Variants in AHSA1 observed in about 807,000 individuals in gnomAD.
The protein encoded by AHSA1 is activator of HSP90 ATPase activity 1.
Under a neutral mutation model 46.1 loss-of-function variants are expected in AHSA1, and 14 were observed. That is an observed-to-expected ratio of 0.30 (90% CI 0.20 to 0.47). The LOEUF is 0.47. AHSA1 is among the 20% of genes least tolerant of loss of function. The pLI is 0.99. For missense variants in AHSA1, 333 were observed against 415.9 expected (o/e 0.80, Z 1.73); for synonymous variants, 147 against 145.8 (o/e 1.01, Z -0.06).
intron 2 of AHSA1, among the ~76,000 whole-genome samples, chr14:77,460,799 C>CTT (rs895786940): frequency 7.0e-6 from 1 of 141,868 alleles, no homozygotes; most frequent in African/African-American, 2.6e-5. Flanking sequence ...CTGGCCGACG[C>CTT]TTTTTTTTTT....
intron 4 of AHSA1, among the ~76,000 whole-genome samples, chr14:77,463,372 T>G (rs922021909): frequency 1.3e-5 from 2 of 152,000 alleles, no homozygotes; most frequent in African/African-American, 2.4e-5. Flanking sequence ...GCGGATCACC[T>G]GAGGTCGGGA....
chr14:77,462,035 T>C, intron 2 of AHSA1, 125 bp from the exon 3 acceptor site: 1 of 650,524 alleles, frequency 1.5e-6, no homozygotes, highest in Non-Finnish European at 2.7e-6. Flanking sequence ...CATGTGGCAT[T>C]CTCAGAATAA....
intron 4 of AHSA1, among the ~76,000 whole-genome samples, chr14:77,464,353 G>T (rs2079038881): frequency 6.6e-6 from 1 of 151,954 alleles, no homozygotes; most frequent in Non-Finnish European, 1.5e-5. Context: ...CCAGCCTGGT[G>T]ACAGAGCAAG....
intron 2 of AHSA1, among the ~76,000 whole-genome samples, chr14:77,461,400 C>G (rs141994807): frequency 5.3e-5 from 8 of 151,598 alleles, no homozygotes; most frequent in African/African-American, 1.7e-4. Flanking sequence ...TGTAGTGGCA[C>G]GCACCTGTAA....
intron 1 of AHSA1, among the ~76,000 whole-genome samples, chr14:77,459,028 T>G (rs560027586): frequency 1.3e-4 from 20 of 152,362 alleles, no homozygotes; most frequent in African/African-American, 3.4e-4. Context: ...GTGATGTTTC[T>G]TTTCCATATC....
In AHSA1 at chr14:77,462,180, C is replaced by G; in HGVS notation, c.292C>G (p.Gln98Glu). Residue 98 changes from glutamine (Q) to glutamate (E), a missense_variant, in exon 3 of 9, where the codon CAA becomes GAA. Gln to Glu is a conservative substitution (Grantham distance 29). Coordinates refer to ENST00000216479, the MANE Select transcript of AHSA1 (RefSeq NM_012111.3). ...GACAGGTACTTCTAAGTCAGGAGTA[C>G]AATACAAAGGACATGTGGAGATCCC... ...NWTGTSKSGV[Q>E]YKGHVEIPNL... 6.2e-7 allele frequency: 1 copy of G among 1,612,674 alleles called. No individual in the cohort carries two copies.
chr14:77,469,344 C>A lies in AHSA1; in HGVS notation c.*95C>A. ...TCACAGGATTGCATCGTCCCAGCTG[C>A]TAACTTGGGGCCGGGGCCCCTCCCT... On this transcript the variant is annotated 3_prime_UTR_variant, in exon 9 of 9. Coordinates refer to ENST00000216479, the MANE Select transcript of AHSA1 (RefSeq NM_012111.3). The A allele has an allele frequency of 1.3e-6, 2 of 1,495,796 alleles. No individual in the cohort carries two copies. Among genetic ancestry groups the A allele is most frequent in the African/African-American group, 1.4e-5 (1 of 72,034 alleles). 92.7% of individuals were successfully genotyped at this position (1,495,796 alleles called of 1,614,324 possible).
Position 77,458,132 on chromosome 14 carries a change from G to T in AHSA1, c.-58G>T. The stretch of plus-strand genomic sequence containing the variant: ...GCTGCCGGGCGGCTGGCACTAAGCG[G>T]TCCTGAGGCTGTGGCTACGGCTGCT... On this transcript the variant is annotated 5_prime_UTR_variant, in exon 1 of 9. Transcript: ENST00000216479. 2 of 1,468,790 alleles carry T rather than the reference G, an allele frequency of 1.4e-6. No homozygotes were observed. The highest frequency in any genetic ancestry group is 1.8e-6 in the Non-Finnish European group (2 of 1,105,140). The allele number at this position is 1,468,790 out of a possible 1,614,324, so 91.0% of individuals were successfully genotyped here.
In AHSA1 at chr14:77,462,249, G is replaced by T; in HGVS notation, c.354+7G>T. 1 of 1,609,812 alleles carries T rather than the reference G, an allele frequency of 6.2e-7. No individual in the cohort carries two copies. The highest frequency in any genetic ancestry group is 8.5e-7 in the Non-Finnish European group (1 of 1,176,044). ...CAGCGTGGATGAAGTGGAGGTTTGT[G>T]CTTCATAACTCCTAATCCGAGTCCT... On this transcript the variant is annotated splice_region_variant and intron_variant, in intron 3 of 8. Coordinates refer to ENST00000216479, the MANE Select transcript of AHSA1 (RefSeq NM_012111.3).
At chr14:77,462,465 A>G in intron 3 of AHSA1, 177 bp from the exon 4 acceptor site, 1 of 744,818 alleles carries the variant, frequency 1.3e-6, no homozygotes, top group African/African-American at 1.8e-5. Context: ...TCTAACTAAC[A>G]TTAGCCACTT....
In AHSA1 at chr14:77,468,049, CTCTTTTTTTTTTTT is replaced by C. The variant is rs2139944472; in HGVS notation, c.691-32_691-19del. The C allele has an allele frequency of 1.4e-6, 1 of 723,678 alleles. No homozygotes were observed. Among genetic ancestry groups the C allele is most frequent in the Non-Finnish European group, 2.0e-6 (1 of 497,136 alleles). The allele number at this position is 723,678 out of a possible 1,614,324, so 44.8% of individuals were successfully genotyped here. The stretch of plus-strand genomic sequence containing the variant: ...CCACTGAAAGCCATGTATCTTCTGC[CTCTTTTTTTTTTTT>C]TTTTTTTTTTTCCCTGCAGCTGGTG... On this transcript the variant is annotated intron_variant, in intron 6 of 8. Transcript: ENST00000216479.
intron 8 of AHSA1, 21 bp from the exon 9 acceptor site, chr14:77,469,056 C>T (rs778143689): frequency 2.5e-5 from 40 of 1,612,368 alleles, no homozygotes; most frequent in East Asian, 6.7e-5. Flanking sequence ...ATGAAACCTC[C>T]GTCCCCTCTG....
Position 77,468,051 on chromosome 14 carries a change from CTTTTTTT to C in AHSA1, c.691-15_691-9del, listed in dbSNP as rs34989956. 499 of 684,208 alleles carry C rather than the reference CTTTTTTT, an allele frequency of 7.3e-4. 1 individual carries two copies. The highest frequency in any genetic ancestry group is 6.1e-3 in the Middle Eastern group (14 of 2,284). 42.4% of individuals were successfully genotyped at this position (684,208 alleles called of 1,614,324 possible). A position where few individuals can be genotyped will look rare whatever the true frequency, so the allele number is the denominator to read the frequency against. ...ACTGAAAGCCATGTATCTTCTGCCT[CTTTTTTT>C]TTTTTTTTTTTTTTTTCCCTGCAGC... On this transcript the variant is annotated intron_variant, in intron 6 of 8. Coordinates refer to ENST00000216479, the MANE Select transcript of AHSA1 (RefSeq NM_012111.3).
chr14:77,462,624 T>G lies in AHSA1; in HGVS notation c.355-18T>G, dbSNP rs760562217. On this transcript the variant is annotated intron_variant, in intron 3 of 8. Coordinates refer to ENST00000216479, the MANE Select transcript of AHSA1 (RefSeq NM_012111.3). Reference sequence around the variant, plus strand: ...GCCCCTCAAGTTATTTACCACCTACTTCTCATCTTTCACCCAGATTAGTGT... The same window carrying G: ...GCCCCTCAAGTTATTTACCACCTACGTCTCATCTTTCACCCAGATTAGTGT... 2.4e-5 allele frequency: 38 copies of G among 1,612,058 alleles called. No individual in the cohort carries two copies. The highest frequency in any genetic ancestry group is 2.9e-5 in the Non-Finnish European group (34 of 1,178,212).
intron 1 of AHSA1, 122 bp downstream of exon 1, chr14:77,458,391 G>A (rs2078998177): frequency 9.8e-7 from 1 of 1,016,186 alleles, no homozygotes; most frequent in Non-Finnish European, 1.4e-6. Context: ...AGATGGGGGT[G>A]GGTCCTTCCT....
chr14:77,461,512 A>C (rs751135566), intron 2 of AHSA1, among the ~76,000 whole-genome samples: 3 of 152,156 alleles, frequency 2.0e-5, no homozygotes, highest in Non-Finnish European at 4.4e-5. Context: ...CCTGAGCGAC[A>C]GAGCAAGACT....
In AHSA1 at chr14:77,469,366, CCCTT is replaced by C. The variant is rs1291248136; in HGVS notation, c.*120_*123del. 2.4e-6 allele frequency: 3 copies of C among 1,269,228 alleles called. No homozygotes were observed. Among genetic ancestry groups the C allele is most frequent in the East Asian group, 4.7e-5 (2 of 42,234 alleles). The allele number at this position is 1,269,228 out of a possible 1,614,324, so 78.6% of individuals were successfully genotyped here. ...CTGCTAACTTGGGGCCGGGGCCCCTCCCTTCCACATATACCTTGGGTTTGTGCAT... is the reference window on the plus strand; with the variant it reads ...CTGCTAACTTGGGGCCGGGGCCCCTCCCACATATACCTTGGGTTTGTGCAT... On this transcript the variant is annotated 3_prime_UTR_variant, in exon 9 of 9. Transcript: ENST00000216479.
At chr14:77,459,904 G>A in intron 2 of AHSA1, 98 bp downstream of exon 2, 1 of 1,362,768 alleles carries the variant, frequency 7.3e-7, no homozygotes, top group African/African-American at 1.4e-5. Context: ...GACCTTGAAG[G>A]GAGAAGGCAG....
intron 2 of AHSA1, among the ~76,000 whole-genome samples, chr14:77,460,710 C>A (rs10145195): frequency 0.012 from 1,758 of 151,596 alleles, 37 homozygotes; most frequent in African/African-American, 0.04. Flanking sequence ...TACAGGTGCC[C>A]GCCACCACGC....
Sources: gnomAD v4.1 joint callset for allele counts (sites outside exome capture counted in the v4.1 genomes callset) on GRCh38, gnomAD v4.1.1 for gene constraint, MANE v1.5 for transcripts, NCBI Gene and HGNC (gene_info 2026-07-23, HGNC 2026-07-21) for gene names.